Variants in ST8SIA2 observed in about 807,000 individuals in gnomAD.
ST8SIA2 encodes alpha-2,8-sialyltransferase 8B.
In ST8SIA2, 22 loss-of-function variants were observed where a neutral mutation model predicts 37.6. The ratio of observed to expected loss-of-function variants is 0.58; its 90% CI spans 0.42 to 0.83. The LOEUF (loss-of-function observed/expected upper bound fraction) is 0.83, where lower values mean the gene tolerates loss of function less well. Among genes scored for constraint, ST8SIA2 ranks in the 40% least tolerant of loss-of-function variants. The probability of loss-of-function intolerance (pLI) is 0.00; values close to 1 mark genes in which losing one functional copy is unlikely to be tolerated. For synonymous variants in ST8SIA2, 205 were observed against 201.2 expected, an observed-to-expected ratio of 1.02 and a Z score of -0.16; for missense variants, 382 against 484.7, an observed-to-expected ratio of 0.79 and a Z score of 1.99.
intron 1 of ST8SIA2, among the ~76,000 whole-genome samples, chr15:92,417,237 C>T (rs1057383299): frequency 3.9e-5 from 6 of 152,102 alleles, no homozygotes; most frequent in African/African-American, 7.2e-5. Flanking sequence ...CCCATCCATC[C>T]TCCTTCCATC....
chr15:92,410,945 A>G (rs912494225), intron 1 of ST8SIA2, among the ~76,000 whole-genome samples: 22 of 152,188 alleles, frequency 1.4e-4, no homozygotes, highest in Non-Finnish European at 2.8e-4. Context: ...AAAGTTTCCC[A>G]TGTGCAAGGA....
intron 1 of ST8SIA2, among the ~76,000 whole-genome samples, chr15:92,401,245 G>A (rs1204080148): frequency 6.6e-6 from 1 of 152,206 alleles, no homozygotes; most frequent in Non-Finnish European, 1.5e-5. Flanking sequence ...AGGCACTGTG[G>A]GGTGAGACAC....
intron 1 of ST8SIA2, among the ~76,000 whole-genome samples, chr15:92,399,579 G>A (rs890515514): frequency 8.5e-5 from 13 of 152,130 alleles, no homozygotes; most frequent in South Asian, 2.1e-4. Context: ...AGAAGTACAC[G>A]TTTGCTCAAC....
At chr15:92,445,346 T>G (rs74029038) in intron 5 of ST8SIA2, among the ~76,000 whole-genome samples, 6 of 152,280 alleles carry the variant, frequency 3.9e-5, no homozygotes, top group East Asian at 1.9e-4. Flanking sequence ...CTTTAAACTT[T>G]AGTTGCCTCT....
At chr15:92,426,815 G>A (rs1213232377) in intron 1 of ST8SIA2, among the ~76,000 whole-genome samples, 1 of 152,230 alleles carries the variant, frequency 6.6e-6, no homozygotes, top group Non-Finnish European at 1.5e-5. Flanking sequence ...TGGGCTGGGC[G>A]TGATGGCTCA....
In ST8SIA2 at chr15:92,444,885, G is replaced by T. The variant is rs754592405; in HGVS notation, c.798G>T (p.Val266=). ...TTATCCTGAAGCACCACGTCAACGT[G>T]CGCACTGCATACCCCTCGCTGCGCC... The part of the protein sequence containing the change: ...NELILKHHVN[V]RTAYPSLRLL... Residue 266 remains valine (V), a synonymous_variant, in exon 5 of 6, where the codon GTG becomes GTT. Transcript: ENST00000268164. The T allele has an allele frequency of 7.4e-6, 12 of 1,613,432 alleles. No individual in the cohort carries two copies. Among genetic ancestry groups the T allele is most frequent in the Non-Finnish European group, 1.0e-5 (12 of 1,180,040 alleles).
intron 3 of ST8SIA2, among the ~76,000 whole-genome samples, chr15:92,435,013 A>G (rs931906197): frequency 5.9e-5 from 9 of 152,204 alleles, no homozygotes; most frequent in Admixed American, 3.9e-4. Context: ...AACCGTAGAG[A>G]AGGAATTACA....
intron 5 of ST8SIA2, among the ~76,000 whole-genome samples, chr15:92,453,230 A>C (rs1234077744): frequency 1.3e-5 from 2 of 152,078 alleles, no homozygotes; most frequent in Non-Finnish European, 2.9e-5. Flanking sequence ...GACCATTGAC[A>C]CCCAAAGGAT....
intron 3 of ST8SIA2, among the ~76,000 whole-genome samples, chr15:92,436,592 G>C (rs544360580): frequency 6.6e-6 from 1 of 152,176 alleles, no homozygotes; most frequent in South Asian, 2.1e-4. Flanking sequence ...GGCTTTCTAG[G>C]GGCTCTCTTT....
intron 4 of ST8SIA2, 55 bp from the exon 5 acceptor site, chr15:92,444,581 A>G: frequency 6.2e-7 from 1 of 1,611,062 alleles, no homozygotes; most frequent in Non-Finnish European, 8.5e-7. Context: ...CGAGTTAAAC[A>G]GAGGAAGGGG....
chr15:92,395,927 G>A (rs1286686329), intron 1 of ST8SIA2, among the ~76,000 whole-genome samples: 1 of 152,164 alleles, frequency 6.6e-6, no homozygotes, highest in African/African-American at 2.4e-5. Context: ...CCACATGCTG[G>A]GAACTTTTAA....
At chr15:92,433,410 A>C (rs1368911740) in intron 2 of ST8SIA2, among the ~76,000 whole-genome samples, 1 of 152,222 alleles carries the variant, frequency 6.6e-6, no homozygotes. Flanking sequence ...TTAAAGATAG[A>C]ATTGTAACCT....
intron 1 of ST8SIA2, among the ~76,000 whole-genome samples, chr15:92,411,258 T>A (rs1260253834): frequency 6.6e-6 from 1 of 152,198 alleles, no homozygotes; most frequent in African/African-American, 2.4e-5. Flanking sequence ...TGTGGACAGT[T>A]GGGACCCTTG....
chr15:92,439,788 G>A (rs2049787597), intron 4 of ST8SIA2, among the ~76,000 whole-genome samples: 1 of 152,154 alleles, frequency 6.6e-6, no homozygotes, highest in Non-Finnish European at 1.5e-5. Context: ...GGTGGAGGGA[G>A]GGTGAGGGGA....
intron 1 of ST8SIA2, among the ~76,000 whole-genome samples, chr15:92,410,350 G>A (rs1373594626): frequency 1.3e-5 from 2 of 152,236 alleles, no homozygotes; most frequent in African/African-American, 4.8e-5. Flanking sequence ...ATGGCAAGAG[G>A]AAGACAAGCT....
chr15:92,436,774 CAA>C (rs1181694472), intron 3 of ST8SIA2, among the ~76,000 whole-genome samples: 1 of 152,128 alleles, frequency 6.6e-6, no homozygotes, highest in East Asian at 1.9e-4. Flanking sequence ...TACATGATAG[CAA>C]GAGAGGCAGG....
At chr15:92,422,262 T>A (rs1375527787) in intron 1 of ST8SIA2, 2 of 152,236 alleles carry the variant, frequency 1.3e-5, no homozygotes, top group African/African-American at 2.4e-5. Context: ...ATGACCTTGA[T>A]GTTCAAGCCT....
chr15:92,462,056 G>T (rs2049961003), intron 5 of ST8SIA2, among the ~76,000 whole-genome samples: 1 of 152,126 alleles, frequency 6.6e-6, no homozygotes, highest in Non-Finnish European at 1.5e-5. Context: ...GCGAGGAAAG[G>T]GGTCTTCGAA....
chr15:92,438,263 G>A (rs1024503796), intron 3 of ST8SIA2, 90 bp from the exon 4 acceptor site: 57 of 1,591,844 alleles, frequency 3.6e-5, no homozygotes, highest in African/African-American at 1.3e-4. Flanking sequence ...TGCAGCCACC[G>A]TGCAGGGCGA....
Sources: allele counts gnomAD v4.1 joint callset (sites outside exome capture counted in the v4.1 genomes callset), GRCh38; gene constraint gnomAD v4.1.1; transcripts MANE v1.5; gene names NCBI Gene and HGNC (gene_info 2026-07-23, HGNC 2026-07-21).